The following NF1 variants were observed in gnomAD, a reference collection of about 807,000 sequenced individuals.
The protein encoded by NF1 is neurofibromin 1.
Under a neutral mutation model 325.7 loss-of-function variants are expected in NF1, and 122 were observed. That is an observed-to-expected ratio of 0.37 (90% confidence interval 0.32 to 0.44). The LOEUF (loss-of-function observed/expected upper bound fraction) is 0.44, where lower values mean the gene tolerates loss of function less well. Among genes scored for constraint, NF1 ranks in the 20% least tolerant of loss-of-function variants. The pLI is 1.00. For missense variants in NF1, 2,140 were observed against 3,415.4 expected, an observed-to-expected ratio of 0.63 and a Z score of 9.31; for synonymous variants, 1,091 against 1,186.0, an observed-to-expected ratio of 0.92 and a Z score of 1.65.
intron 1 of NF1, among the ~76,000 whole-genome samples, chr17:31,138,684 C>G (rs1273593272): frequency 1.3e-5 from 2 of 151,470 alleles, no homozygotes; most frequent in Admixed American, 1.3e-4. Flanking sequence ...AGCTCCGCCT[C>G]CCAGGTTCAC....
At chr17:31,180,217 G>C (rs1035956153) in intron 5 of NF1, among the ~76,000 whole-genome samples, 3 of 152,210 alleles carry the variant, frequency 2.0e-5, no homozygotes, top group Non-Finnish European at 4.4e-5. Context: ...AATAGAAAAA[G>C]AGTGAATCCT....
At chr17:31,174,274 T>G (rs1266901562) in intron 5 of NF1, among the ~76,000 whole-genome samples, 1 of 152,240 alleles carries the variant, frequency 6.6e-6, no homozygotes, top group African/African-American at 2.4e-5. Flanking sequence ...GTCTACTATT[T>G]TGAACACTCC....
chr17:31,305,879 A>G (rs1039835047), intron 36 of NF1, among the ~76,000 whole-genome samples: 2 of 152,162 alleles, frequency 1.3e-5, no homozygotes, highest in Non-Finnish European at 2.9e-5. Context: ...CTCTTCTTTT[A>G]TTAATACAAG....
rs544565119 is a variant in NF1 at position 31,282,985 on chromosome 17, A to G, written c.4835+17646A>G. 4.6e-5 allele frequency among the ~76,000 whole-genome samples: 7 copies of G among 152,308 alleles called. No homozygotes were observed. The East Asian group carries it at 1.3e-3, about 29-fold the overall frequency. ...ATCCCTCCTTTTCTAAACCATAGCC[A>G]AGTCTATTACTGTTTAACAATGACC... On this transcript the variant is annotated intron_variant, in intron 36 of 57. Transcript: ENST00000358273.
chr17:31,218,073 T>C lies in NF1; in HGVS notation c.1528-932T>C, dbSNP rs17885850. ...TGCCGATGCAAATTCTAGCCTTTGC[T>C]TTGTTACCAGCTGTGTGGATTTGGG... On this transcript the variant is annotated intron_variant, in intron 13 of 57. Transcript: ENST00000358273. Among the ~76,000 whole-genome samples, 52 of 152,320 alleles carry C rather than the reference T, an allele frequency of 3.4e-4. No homozygotes were observed. In the South Asian group the frequency reaches 9.7e-3, roughly 29 times the overall value.
chr17:31,121,395 C>CTTTTTTTT (rs71142019), intron 1 of NF1, among the ~76,000 whole-genome samples: 19 of 92,506 alleles, frequency 2.1e-4, no homozygotes, highest in African/African-American at 6.7e-4. Flanking sequence ...AATCACTATT[C>CTTTTTTTT]TTTTTTTTTT....
chr17:31,229,768 A>T, intron 21 of NF1, 67 bp from the exon 22 acceptor site: 1 of 1,591,088 alleles, frequency 6.3e-7, no homozygotes, highest in Admixed American at 1.7e-5. Flanking sequence ...AGTCAGTTTC[A>T]TCTCTCTAGG....
chr17:31,288,817 T>G (rs1472987501), intron 36 of NF1, among the ~76,000 whole-genome samples: 1 of 152,124 alleles, frequency 6.6e-6, no homozygotes, highest in African/African-American at 2.4e-5. Flanking sequence ...GTGTGAGCCA[T>G]GGTGCCTGGC....
chr17:31,296,463 C>G, intron 36 of NF1: 1 of 870,996 alleles, frequency 1.1e-6, no homozygotes, highest in Non-Finnish European at 1.9e-6. Context: ...TATAATTGTT[C>G]CAGTGATTAA....
chr17:31,335,975 A>G (rs1482706676), intron 40 of NF1, among the ~76,000 whole-genome samples: 1 of 151,382 alleles, frequency 6.6e-6, no homozygotes, highest in African/African-American at 2.4e-5. Context: ...TACAAGCGTG[A>G]GCCACTGCAC....
At chr17:31,181,334 A>G in intron 5 of NF1, 88 bp from the exon 6 acceptor site, 1 of 1,212,196 alleles carries the variant, frequency 8.2e-7, no homozygotes, top group Non-Finnish European at 1.2e-6. Flanking sequence ...GAGCAAAAGT[A>G]ATACGTAAAT....
At position 31,374,625 on chromosome 17, in the gene NF1, C is replaced by T. The variant is rs774195662; in HGVS notation, c.*470C>T. The T allele has an allele frequency of 7.3e-6, 2 of 272,736 alleles. No homozygotes were observed. The highest frequency in any genetic ancestry group is 1.4e-5 in the Non-Finnish European group (2 of 140,820). 16.9% of individuals were successfully genotyped at this position (272,736 alleles called of 1,614,324 possible). ...TATGAGAGAAATAGTATTATAACCC[C>T]AGTATGTTTAATCTTTTAGCTGTGG... On this transcript the variant is annotated 3_prime_UTR_variant, in exon 58 of 58. Coordinates refer to ENST00000358273, the MANE Select transcript of NF1 (RefSeq NM_001042492.3).
At chr17:31,154,732 C>CTTTTTTT (rs71142026) in intron 1 of NF1, among the ~76,000 whole-genome samples, 24 of 103,392 alleles carry the variant, frequency 2.3e-4, no homozygotes, top group African/African-American at 6.0e-4. Flanking sequence ...TTAGTATTTC[C>CTTTTTTT]TTTTTTTTTT....
chr17:31,200,619 C>G lies in NF1; in HGVS notation c.1062+24C>G, dbSNP rs1452084704. The stretch of plus-strand genomic sequence containing the variant: ...AGGTAACATGCTTATTCTTTCTCTA[C>G]TACAAACTTTAAGAAAATTAAATGA... On this transcript the variant is annotated intron_variant, in intron 9 of 57. Coordinates refer to ENST00000358273, the MANE Select transcript of NF1 (RefSeq NM_001042492.3). 1.9e-6 allele frequency: 3 copies of G among 1,610,766 alleles called. No homozygotes were observed. In the East Asian group the frequency reaches 6.7e-5, roughly 36 times the overall value.
chr17:31,178,564 T>C (rs2066065692), intron 5 of NF1, among the ~76,000 whole-genome samples: 1 of 152,148 alleles, frequency 6.6e-6, no homozygotes, highest in African/African-American at 2.4e-5. Flanking sequence ...AGACACAGAC[T>C]GGCAAATTGG....
intron 5 of NF1, among the ~76,000 whole-genome samples, chr17:31,180,750 A>C (rs1048911733): frequency 6.6e-6 from 1 of 152,250 alleles, no homozygotes; most frequent in Non-Finnish European, 1.5e-5. Flanking sequence ...GGCCAGGGCA[A>C]TCAGGCAAGA....
At chr17:31,185,999 A>G (rs1482371405) in intron 8 of NF1, among the ~76,000 whole-genome samples, 1 of 152,154 alleles carries the variant, frequency 6.6e-6, no homozygotes, top group African/African-American at 2.4e-5. Context: ...TGGAAACGGA[A>G]TGTTTAACTG....
chr17:31,336,195 TAAATA>T lies in NF1; in HGVS notation c.6007-133_6007-129del. Reference sequence around the variant, plus strand: ...TAAATTGTATTTACTGACAGGCCTGTAAATAAAATCTAGTATTTTTGAGGCCTCAG... The same window carrying T: ...TAAATTGTATTTACTGACAGGCCTGTAAATCTAGTATTTTTGAGGCCTCAG... On this transcript the variant is annotated intron_variant, in intron 40 of 57. Coordinates refer to ENST00000358273, the MANE Select transcript of NF1 (RefSeq NM_001042492.3). The surrounding 1 kb of genome is among the most constrained non-coding windows in gnomAD (Gnocchi z 5.5). 3.7e-6 allele frequency: 3 copies of T among 818,660 alleles called. No homozygotes were observed. Among genetic ancestry groups the T allele is most frequent in the Non-Finnish European group, 5.9e-6 (3 of 509,256 alleles). The allele number at this position is 818,660 out of a possible 1,614,324, so 50.7% of individuals were successfully genotyped here. A position where few individuals can be genotyped will look rare whatever the true frequency, so the allele number is the denominator to read the frequency against.
At chr17:31,263,051 GTAGGTAGGTAGGTAGGTAGATAGA>G (rs2067713618) in intron 35 of NF1, among the ~76,000 whole-genome samples, 3 of 148,022 alleles carry the variant, frequency 2.0e-5, no homozygotes, top group Admixed American at 2.0e-4. Flanking sequence ...AGGTAGGTAG[GTAGGTAGGTAGGTAGGTAGATAGA>G]TAGGTAGGTA....
Sources: allele counts gnomAD v4.1 joint callset (sites outside exome capture counted in the v4.1 genomes callset), GRCh38; gene constraint gnomAD v4.1.1; non-coding constraint Gnocchi (gnomAD v3.1); transcripts MANE v1.5; gene names NCBI Gene and HGNC (gene_info 2026-07-23, HGNC 2026-07-21).